Variants in CFAP299 observed in about 807,000 individuals in gnomAD.
CFAP299 encodes the protein cilia and flagella associated protein 299, also known as cilia- and flagella-associated protein 299.
CFAP299 carries 21 observed loss-of-function variants against 27.0 expected under a neutral mutation model. The ratio of observed to expected loss-of-function variants is 0.78; its 90% confidence interval spans 0.55 to 1.12. CFAP299 has a LOEUF of 1.12. CFAP299 is among the 50% of genes most tolerant of loss of function. CFAP299 has a pLI of 0.00. For missense variants in CFAP299, 310 were observed against 276.6 expected (o/e 1.12, Z -0.86); for synonymous variants, 104 against 98.1 (o/e 1.06, Z -0.36).
At chr4:80,459,479 G>A (rs1729333008) in intron 2 of CFAP299, among the ~76,000 whole-genome samples, 1 of 152,166 alleles carries the variant, frequency 6.6e-6, no homozygotes, top group Non-Finnish European at 1.5e-5. Flanking sequence ...TCTTCCAAGT[G>A]TACTTTACTT....
At chr4:80,344,759 T>C (rs953823974) in intron 1 of CFAP299, among the ~76,000 whole-genome samples, 4 of 152,198 alleles carry the variant, frequency 2.6e-5, no homozygotes, top group Non-Finnish European at 4.4e-5. Flanking sequence ...ACTGGCAAAC[T>C]GAATCCAGCA....
chr4:80,599,510 G>A (rs964723383), intron 3 of CFAP299, among the ~76,000 whole-genome samples: 2 of 152,120 alleles, frequency 1.3e-5, no homozygotes, highest in African/African-American at 4.8e-5. Context: ...GTAAAGTGAT[G>A]TAGTTAGTGA....
chr4:80,454,342 A>G (rs905344204), intron 2 of CFAP299, among the ~76,000 whole-genome samples: 2 of 152,242 alleles, frequency 1.3e-5, no homozygotes, highest in African/African-American at 4.8e-5. Flanking sequence ...TGAACAAGAT[A>G]TCTACCAGCG....
intron 3 of CFAP299, among the ~76,000 whole-genome samples, chr4:80,799,670 A>ATT (rs1553893031): frequency 2.0e-3 from 18 of 8,978 alleles, no homozygotes; most frequent in Non-Finnish European, 3.4e-3. Context: ...ATATTTTATA[A>ATT]ATATATATTT....
chr4:80,497,597 T>A lies in CFAP299; in HGVS notation c.243-85496T>A, dbSNP rs188963639. On this transcript the variant is annotated intron_variant, in intron 2 of 5. Transcript: ENST00000358105. ...TTGTTACCATTTGGGTATTTTCATA[T>A]CTTTTTTTACCCTACATTTTTTGCC... 2.6e-4 allele frequency among the ~76,000 whole-genome samples: 39 copies of A among 152,266 alleles called. No homozygotes were observed. In the East Asian group the frequency reaches 7.2e-3, roughly 28 times the overall value.
At chr4:80,568,355 T>C (rs1021641505) in intron 2 of CFAP299, among the ~76,000 whole-genome samples, 1 of 152,078 alleles carries the variant, frequency 6.6e-6, no homozygotes, top group Non-Finnish European at 1.5e-5. Flanking sequence ...TTTCCTTTGT[T>C]ATTCTCTGAA....
In CFAP299 at chr4:80,800,576, AAATATAT is replaced by A. The variant is rs1419202456; in HGVS notation, c.334-69402_334-69396del. 2.2e-4 allele frequency among the ~76,000 whole-genome samples: 17 copies of A among 77,208 alleles called. 1 individual carries two copies. Among genetic ancestry groups the A allele is most frequent in the Admixed American group, 7.0e-4 (3 of 4,310 alleles). 50.7% of individuals were successfully genotyped at this position (77,208 alleles called of 152,430 possible). ...AATATATTATATAATATATTAATAT[AAATATAT>A]AATATATAATATATTAATATAAATA... On this transcript the variant is annotated intron_variant, in intron 3 of 5. Coordinates refer to ENST00000358105, the MANE Select transcript of CFAP299 (RefSeq NM_152770.3).
upstream of CFAP299, chr4:80,335,687 T>C (rs546427861): frequency 1.2e-6 from 1 of 828,528 alleles, no homozygotes; most frequent in African/African-American, 1.7e-5. Flanking sequence ...TTCAACTGAT[T>C]GGCAGGAACG....
chr4:80,520,136 T>C (rs1732834079), intron 2 of CFAP299, among the ~76,000 whole-genome samples: 1 of 152,180 alleles, frequency 6.6e-6, no homozygotes, highest in South Asian at 2.1e-4. Flanking sequence ...TAATTTTCCA[T>C]TTGTTCTTTA....
At position 80,771,206 on chromosome 4, in the gene CFAP299, A is replaced by G. The variant is rs77789410; in HGVS notation, c.334-98787A>G. On this transcript the variant is annotated intron_variant, in intron 3 of 5. Coordinates refer to ENST00000358105, the MANE Select transcript of CFAP299 (RefSeq NM_152770.3). ...AAGCCTCTTCCACTAATACTACTCTATACCCCCACTTCCTAGGGTTATTGT... is the reference window on the plus strand; with the variant it reads ...AAGCCTCTTCCACTAATACTACTCTGTACCCCCACTTCCTAGGGTTATTGT... Among the ~76,000 whole-genome samples, 850 of 152,196 alleles carry G rather than the reference A, an allele frequency of 5.6e-3. 7 individuals are homozygous for G. Among genetic ancestry groups the G allele is most frequent in the African/African-American group, 0.018 (743 of 41,520 alleles).
At chr4:80,675,183 G>A (rs1038991842) in intron 3 of CFAP299, among the ~76,000 whole-genome samples, 1 of 152,172 alleles carries the variant, frequency 6.6e-6, no homozygotes, top group African/African-American at 2.4e-5. Context: ...GGTCTTTGAT[G>A]CTGATGCCTA....
intron 2 of CFAP299, among the ~76,000 whole-genome samples, chr4:80,581,209 G>T (rs1736144324): frequency 6.6e-6 from 1 of 151,556 alleles, no homozygotes; most frequent in Non-Finnish European, 1.5e-5. Flanking sequence ...TATCCTGTGA[G>T]CAGTAGAAAA....
At chr4:80,420,193 G>A in intron 2 of CFAP299, 1 of 456,006 alleles carries the variant, frequency 2.2e-6, no homozygotes, top group South Asian at 1.5e-5. Context: ...GATGGTAAAT[G>A]TTTCTTTCGG....
At chr4:80,823,037 T>A (rs1222067904) in intron 3 of CFAP299, among the ~76,000 whole-genome samples, 1 of 152,180 alleles carries the variant, frequency 6.6e-6, no homozygotes, top group African/African-American at 2.4e-5. Context: ...TAAGCAGCAA[T>A]GCAGCTGTAT....
At chr4:80,935,810 G>C (rs572135123) in intron 4 of CFAP299, among the ~76,000 whole-genome samples, 12 of 152,042 alleles carry the variant, frequency 7.9e-5, no homozygotes, top group African/African-American at 1.7e-4. Context: ...TATTTGCAAA[G>C]TATGCATCTG....
intron 3 of CFAP299, among the ~76,000 whole-genome samples, chr4:80,742,687 G>T (rs114765894): frequency 0.011 from 1,715 of 152,192 alleles, 33 homozygotes; most frequent in African/African-American, 0.038. Context: ...ATAATCAAAA[G>T]CTGACATTTT....
intron 3 of CFAP299, among the ~76,000 whole-genome samples, chr4:80,799,957 A>T (rs1470538940): frequency 2.2e-4 from 12 of 55,326 alleles, no homozygotes; most frequent in African/African-American, 8.4e-4. Flanking sequence ...AATATTATAT[A>T]AATATAATAT....
chr4:80,575,499 C>T lies in CFAP299; in HGVS notation c.243-7594C>T, dbSNP rs1735806898. ...AGCCACCATGACCAGCTAATGTCTT[C>T]TTTTTCACTCTGATTTTATTTATTT... On this transcript the variant is annotated intron_variant, in intron 2 of 5. Transcript: ENST00000358105. Among the ~76,000 whole-genome samples the T allele has an allele frequency of 2.6e-5, 4 of 151,712 alleles. No individual in the cohort carries two copies. In the South Asian group the frequency reaches 8.3e-4, roughly 32 times the overall value.
chr4:80,477,292 G>A (rs1288829113), intron 2 of CFAP299, among the ~76,000 whole-genome samples: 1 of 152,020 alleles, frequency 6.6e-6, no homozygotes, highest in Non-Finnish European at 1.5e-5. Flanking sequence ...GAACTCCTGA[G>A]CTCAAGCAAT....
Sources: gnomAD v4.1 joint callset for allele counts (sites outside exome capture counted in the v4.1 genomes callset) on GRCh38, gnomAD v4.1.1 for gene constraint, MANE v1.5 for transcripts, NCBI Gene and HGNC (gene_info 2026-07-23, HGNC 2026-07-21) for gene names.